The following SOCS2 variants were observed in gnomAD, a reference collection of about 807,000 sequenced individuals.
The protein encoded by SOCS2 is suppressor of cytokine signaling 2.
A neutral mutation model predicts 18.6 loss-of-function variants in SOCS2; 10 were observed. The observed-to-expected ratio is 0.54, with a 90% confidence interval of 0.33 to 0.91. SOCS2 has a LOEUF of 0.91. SOCS2 is among the 40% of genes least tolerant of loss of function. SOCS2 has a pLI of 0.02. For synonymous variants in SOCS2, 104 were observed against 104.0 expected (o/e 1.00, Z 0.00); for missense variants, 231 against 247.2 (o/e 0.93, Z 0.44).
At chr12:93,596,764 G>A in the SOCS2 span, among the ~76,000 whole-genome samples, 1 of 152,116 alleles carries the variant, frequency 6.6e-6, no homozygotes, top group African/African-American at 2.4e-5. Flanking sequence ...GGAGCTGGAG[G>A]TTGCAGTGAG....
At chr12:93,599,076 C>T in the SOCS2 span, among the ~76,000 whole-genome samples, 1 of 151,552 alleles carries the variant, frequency 6.6e-6, no homozygotes, top group Non-Finnish European at 1.5e-5. Flanking sequence ...GCATTTCCTG[C>T]TTACTAGTCA....
chr12:93,595,880 ATTTTTAAATTTATTAATTTG>A, the SOCS2 span, among the ~76,000 whole-genome samples: 4 of 149,504 alleles, frequency 2.7e-5, no homozygotes, highest in South Asian at 6.2e-4. Flanking sequence ...TTTGTAATTT[ATTTTTAAATTTATTAATTTG>A]TTTTTAATTT....
the SOCS2 span, among the ~76,000 whole-genome samples, chr12:93,601,867 T>C: frequency 5.9e-5 from 9 of 152,184 alleles, no homozygotes; most frequent in African/African-American, 2.2e-4. Context: ...CTCTATTGAA[T>C]TTACTAGAAA....
the SOCS2 span, among the ~76,000 whole-genome samples, chr12:93,588,494 GTC>G: frequency 1.3e-5 from 2 of 152,178 alleles, no homozygotes; most frequent in African/African-American, 4.8e-5. Context: ...GAGGATGTGA[GTC>G]AAAACTCACA....
the SOCS2 span, among the ~76,000 whole-genome samples, chr12:93,590,211 G>T: frequency 1.3e-5 from 2 of 151,834 alleles, no homozygotes; most frequent in South Asian, 4.2e-4. Flanking sequence ...CTCCAGACTG[G>T]GTGACAGAGC....
the SOCS2 span, among the ~76,000 whole-genome samples, chr12:93,615,404 G>A: frequency 6.6e-6 from 1 of 152,112 alleles, no homozygotes; most frequent in African/African-American, 2.4e-5. Context: ...TGACATTCCT[G>A]GGCAGGGATC....
the SOCS2 span, among the ~76,000 whole-genome samples, chr12:93,618,102 G>A: frequency 6.6e-6 from 1 of 152,088 alleles, no homozygotes; most frequent in African/African-American, 2.4e-5. Context: ...CAAAGTGTGT[G>A]GCACCTCCCA....
the SOCS2 span, among the ~76,000 whole-genome samples, chr12:93,600,309 T>C: frequency 1.3e-5 from 2 of 152,190 alleles, no homozygotes; most frequent in Non-Finnish European, 2.9e-5. Context: ...CATGGGTCTG[T>C]TTATGAGCTC....
Position 93,574,755 on chromosome 12 carries a change from C to T in SOCS2, c.173C>T (p.Ala58Val). 1 of 1,613,422 alleles carries T rather than the reference C, an allele frequency of 6.2e-7. No homozygotes were observed. The highest frequency in any genetic ancestry group is 8.5e-7 in the Non-Finnish European group (1 of 1,179,742). The part of the protein sequence containing the change: ...WYWGSMTVNE[A>V]KEKLKEAPEG... Reference sequence around the variant, plus strand: ...TGGGGAAGTATGACTGTTAATGAAGCCAAAGAGAAATTAAAAGAGGCACCA... The same window carrying T: ...TGGGGAAGTATGACTGTTAATGAAGTCAAAGAGAAATTAAAAGAGGCACCA... Residue 58 changes from alanine to valine, a missense_variant, in exon 2 of 2, where the codon GCC becomes GTC. This residue lies in a region of SOCS2 where 106 missense variants were observed against 103.8 expected (regional missense o/e 1.02). Transcript: ENST00000551556.
the SOCS2 span, among the ~76,000 whole-genome samples, chr12:93,602,778 C>T: frequency 1.7e-3 from 252 of 152,264 alleles, no homozygotes; most frequent in African/African-American, 5.8e-3. Flanking sequence ...CCTCAGAGCC[C>T]TGCATTCTGT....
the SOCS2 span, among the ~76,000 whole-genome samples, chr12:93,599,938 C>T: frequency 6.6e-6 from 1 of 152,188 alleles, no homozygotes; most frequent in Non-Finnish European, 1.5e-5. Flanking sequence ...TATAGCAACA[C>T]AAAATGGACT....
the SOCS2 span, among the ~76,000 whole-genome samples, chr12:93,624,751 GT>G: frequency 8.7e-6 from 1 of 115,172 alleles, no homozygotes; most frequent in South Asian, 2.5e-4. Context: ...AACCCATTAA[GT>G]TGCTCCCATT....
At chr12:93,570,077 G>A (rs1954192399), upstream of SOCS2, 1 of 152,208 alleles carries the variant, frequency 6.6e-6, no homozygotes, top group South Asian at 2.1e-4. Context: ...CCCAGGTAGG[G>A]TAGAGGTGCC....
At chr12:93,625,300 C>T in the SOCS2 span, among the ~76,000 whole-genome samples, 1 of 152,200 alleles carries the variant, frequency 6.6e-6, no homozygotes, top group Non-Finnish European at 1.5e-5. Context: ...TATTTACCGT[C>T]ATAGTATACT....
the SOCS2 span, among the ~76,000 whole-genome samples, chr12:93,590,783 CAAAAAAAAAAAAAAAAAAAA>C: frequency 2.6e-4 from 10 of 38,956 alleles, no homozygotes; most frequent in South Asian, 1.2e-3. Flanking sequence ...GACTCCGCCT[CAAAAAAAAAAAAAAAAAAAA>C]AAAAAAAAAA....
At position 93,582,565 on chromosome 12, in the gene SOCS2, G is replaced by A. The variant is rs147715736; in HGVS notation, c.117-458G>A. ...TGGCTGCAGGCTCAGATTTGCCCTG[G>A]AGTATGCGGCTTTGAGTCACACAGA... is the stretch of plus-strand genomic sequence containing the variant. On this transcript the variant is annotated intron_variant, in intron 1 of 1. Coordinates refer to the SOCS2 transcript ENST00000549510. Among the ~76,000 whole-genome samples the A allele has an allele frequency of 1.6e-3, 249 of 152,266 alleles. 1 individual carries two copies. Among genetic ancestry groups the A allele is most frequent in the South Asian group, 8.9e-3 (43 of 4,816 alleles).
the SOCS2 span, among the ~76,000 whole-genome samples, chr12:93,607,907 C>T: frequency 0.015 from 2,304 of 151,492 alleles, 71 homozygotes; most frequent in African/African-American, 0.053. Flanking sequence ...ATTACAGTTA[C>T]GGCTTCTAAA....
chr12:93,614,841 C>T, the SOCS2 span, among the ~76,000 whole-genome samples: 2 of 150,948 alleles, frequency 1.3e-5, no homozygotes, highest in African/African-American at 2.4e-5. Flanking sequence ...CTTGAACTCC[C>T]GACCTCAGGT....
the SOCS2 span, among the ~76,000 whole-genome samples, chr12:93,595,824 G>A: frequency 6.6e-6 from 1 of 152,004 alleles, no homozygotes; most frequent in East Asian, 1.9e-4. Context: ...AACAAAATGA[G>A]CTGTTTTATT....
Sources: gnomAD v4.1 joint callset for allele counts (sites outside exome capture counted in the v4.1 genomes callset) on GRCh38, gnomAD v4.1.1 for gene constraint, gnomAD v4.1.1 regional missense constraint, MANE v1.5 for transcripts, NCBI Gene and HGNC (gene_info 2026-07-23, HGNC 2026-07-21) for gene names.